MROH1: variants seen among roughly 807,000 people sequenced by gnomAD.
MROH1 encodes maestro heat like repeat family member 1.
In MROH1, 117 loss-of-function variants were observed where a neutral mutation model predicts 116.5. The observed-to-expected ratio is 1.00, with a 90% confidence interval of 0.86 to 1.17. The LOEUF is 1.17. MROH1 is among the 50% of genes most tolerant of loss of function. The pLI, the probability that MROH1 is intolerant of heterozygous loss-of-function variation, is 0.00. For missense variants in MROH1, 1,873 were observed against 1,338.5 expected, an observed-to-expected ratio of 1.40 and a Z score of -6.23; for synonymous variants, 921 against 583.9, an observed-to-expected ratio of 1.58 and a Z score of -8.32.
chr8:144,260,709 C>T lies in MROH1; in HGVS notation c.4413C>T (p.Arg1471=). 2.6e-6 allele frequency: 2 copies of T among 779,640 alleles called. No individual in the cohort carries two copies. Among genetic ancestry groups the T allele is most frequent in the Non-Finnish European group, 4.8e-6 (2 of 417,782 alleles). The allele number at this position is 779,640 out of a possible 1,614,324, so 48.3% of individuals were successfully genotyped here. The change falls in exon 40 of 44, where the codon CGC becomes CGT. Residue 1471 remains arginine (R), a synonymous_variant. Coordinates refer to ENST00000326134, the MANE Select transcript of MROH1 (RefSeq NM_032450.3). The part of the protein sequence containing the change: ...EKMEFRTASI[R]LFGHLNKVCH... ...TGGAGTTCCGGACGGCATCTATCCG[C>T]CTCTTTGGGCACCTTAACAAGGTCT...
intron 33 of MROH1, 149 bp downstream of exon 33, chr8:144,250,515 G>A (rs1199799933): frequency 1.4e-6 from 1 of 694,988 alleles, no homozygotes; most frequent in African/African-American, 1.8e-5. Context: ...AAAGTGACAT[G>A]GAGCCAGGCC....
chr8:144,192,616 C>A (rs1828925027), intron 10 of MROH1: 2 of 695,294 alleles, frequency 2.9e-6, no homozygotes, highest in Admixed American at 4.0e-5. Context: ...ACATAGCAGC[C>A]CCCAGGATGG....
intron 12 of MROH1, among the ~76,000 whole-genome samples, chr8:144,206,642 C>T (rs536990423): frequency 1.1e-4 from 17 of 151,288 alleles, no homozygotes; most frequent in African/African-American, 2.2e-4. Context: ...AGGCTGGTCT[C>T]GAACTCCTGG....
At chr8:144,249,085 T>G in intron 32 of MROH1, 56 bp downstream of exon 32, 1 of 707,380 alleles carries the variant, frequency 1.4e-6, no homozygotes, top group Non-Finnish European at 2.6e-6. Flanking sequence ...GAGGGCGCGG[T>G]GGGACGGGCA....
intron 14 of MROH1, among the ~76,000 whole-genome samples, chr8:144,234,891 C>CTTTTTTTTTTTTTTTTTTT (rs781998549): frequency 9.7e-6 from 1 of 103,540 alleles, no homozygotes; most frequent in African/African-American, 3.8e-5. Context: ...CTTTTTCTTT[C>CTTTTTTTTTTTTTTTTTTT]TTTTTTTTTT....
intron 7 of MROH1, among the ~76,000 whole-genome samples, chr8:144,187,418 GA>G (rs1268377096): frequency 2.6e-5 from 4 of 151,506 alleles, no homozygotes; most frequent in African/African-American, 7.3e-5. Flanking sequence ...TTAAAAAAAA[GA>G]AAAAAAACCA....
intron 7 of MROH1, among the ~76,000 whole-genome samples, chr8:144,190,388 T>C (rs1334390323): frequency 6.6e-6 from 1 of 152,100 alleles, no homozygotes; most frequent in African/African-American, 2.4e-5. Context: ...AGTATGATGG[T>C]ACACCCCTGT....
chr8:144,259,767 A>C lies in MROH1; in HGVS notation c.4045-144A>C, dbSNP rs1844644153. 16 of 685,538 alleles carry C rather than the reference A, an allele frequency of 2.3e-5. No homozygotes were observed. The South Asian group carries it at 2.5e-4, about 11-fold the overall frequency. The allele number at this position is 685,538 out of a possible 1,614,324, so 42.5% of individuals were successfully genotyped here. Reference sequence around the variant, plus strand: ...AGCGGCACAACAGGGAGGGGTCGCCACTGATCGGAGACCCAGGGAGTAGGT... The same window carrying C: ...AGCGGCACAACAGGGAGGGGTCGCCCCTGATCGGAGACCCAGGGAGTAGGT... On this transcript the variant is annotated intron_variant, in intron 37 of 43. Coordinates refer to ENST00000326134, the MANE Select transcript of MROH1 (RefSeq NM_032450.3).
chr8:144,203,586 T>G (rs901994902), intron 12 of MROH1, among the ~76,000 whole-genome samples: 1 of 152,034 alleles, frequency 6.6e-6, no homozygotes, highest in African/African-American at 2.4e-5. Flanking sequence ...AGGCTCTCTG[T>G]GGAGGGCCTG....
intron 29 of MROH1, among the ~76,000 whole-genome samples, chr8:144,246,275 A>C (rs1478428400): frequency 6.6e-6 from 1 of 151,388 alleles, no homozygotes; most frequent in Non-Finnish European, 1.5e-5. Flanking sequence ...CTGCCGGCTA[A>C]TTTTTGTATT....
intron 3 of MROH1, among the ~76,000 whole-genome samples, chr8:144,167,637 C>T (rs567118446): frequency 6.6e-6 from 1 of 152,260 alleles, no homozygotes; most frequent in South Asian, 2.1e-4. Flanking sequence ...GATGCTTGGC[C>T]TGCCCTTTCC....
At chr8:144,252,219 T>G (rs1466553664) in intron 33 of MROH1, 1 of 163,890 alleles carries the variant, frequency 6.1e-6, no homozygotes, top group African/African-American at 2.4e-5. Flanking sequence ...TTCTCTTTCG[T>G]GTGTATATAG....
chr8:144,192,225 C>T, intron 9 of MROH1, 84 bp from the exon 10 acceptor site: 1 of 1,215,510 alleles, frequency 8.2e-7, no homozygotes, highest in Non-Finnish European at 1.1e-6. Flanking sequence ...CTTCCTGTGG[C>T]CCAACTGGGA....
At chr8:144,250,589 C>T (rs1440596120) in intron 33 of MROH1, 9 of 630,190 alleles carry the variant, frequency 1.4e-5, no homozygotes, top group African/African-American at 9.0e-5. Context: ...TCACTGGCTC[C>T]GGTGGGCCCT....
At chr8:144,178,431 C>T (rs1166269055) in intron 4 of MROH1, among the ~76,000 whole-genome samples, 1 of 149,848 alleles carries the variant, frequency 6.7e-6, no homozygotes, top group Non-Finnish European at 1.5e-5. Context: ...CACGCACGGC[C>T]TGTACTTTTT....
At chr8:144,216,666 A>T (rs1232409045) in intron 12 of MROH1, among the ~76,000 whole-genome samples, 1 of 148,466 alleles carries the variant, frequency 6.7e-6, no homozygotes, top group Non-Finnish European at 1.5e-5. Flanking sequence ...TATTAATGGT[A>T]TGTCATATTT....
At chr8:144,233,460 C>G (rs1554823538) in intron 14 of MROH1, among the ~76,000 whole-genome samples, 2 of 145,818 alleles carry the variant, frequency 1.4e-5, no homozygotes, top group Non-Finnish European at 3.0e-5. Flanking sequence ...CTGCACCCCA[C>G]CATCCACCTT....
chr8:144,188,502 C>G (rs138935636), intron 7 of MROH1, among the ~76,000 whole-genome samples: 942 of 6,464 alleles, frequency 0.15, 25 homozygotes, highest in Non-Finnish European at 0.17. Flanking sequence ...CAATCTCACA[C>G]TGTCGCCCAG....
intron 33 of MROH1, among the ~76,000 whole-genome samples, chr8:144,253,875 C>G (rs1395516902): frequency 6.6e-6 from 1 of 151,956 alleles, no homozygotes; most frequent in Admixed American, 6.6e-5. Flanking sequence ...GTGAAGTCTC[C>G]TAGCACCGCA....
Sources: allele counts gnomAD v4.1 joint callset (sites outside exome capture counted in the v4.1 genomes callset), GRCh38; gene constraint gnomAD v4.1.1; transcripts MANE v1.5; gene names NCBI Gene and HGNC (gene_info 2026-07-23, HGNC 2026-07-21).